The following SLX9 variants were observed in gnomAD, a reference collection of about 807,000 sequenced individuals.
The protein encoded by SLX9 is SLX9 ribosome biogenesis factor, also known as ribosome biogenesis protein SLX9 homolog.
A neutral mutation model predicts 20.8 loss-of-function variants in SLX9; 19 were observed. That is an observed-to-expected ratio of 0.91 (90% CI 0.64 to 1.34). The LOEUF (loss-of-function observed/expected upper bound fraction) is 1.34, where lower values mean the gene tolerates loss of function less well. SLX9 is among the 40% of genes most tolerant of loss of function. SLX9 has a pLI of 0.00. For synonymous variants in SLX9, 113 were observed against 137.1 expected (o/e 0.82, Z 1.23); for missense variants, 299 against 322.2 (o/e 0.93, Z 0.55).
chr21:44,954,500 T>C (rs1017331926), intron 2 of SLX9, among the ~76,000 whole-genome samples: 4 of 152,112 alleles, frequency 2.6e-5, no homozygotes, highest in African/African-American at 9.7e-5. Flanking sequence ...GGTTTGTCTG[T>C]GGTTTTGAAT....
chr21:44,958,901 C>T (rs569839950), intron 2 of SLX9, among the ~76,000 whole-genome samples: 13 of 152,370 alleles, frequency 8.5e-5, no homozygotes, highest in African/African-American at 3.1e-4. Flanking sequence ...GCCTCGTTTT[C>T]TTCATTCCAA....
At chr21:44,975,425 C>T (rs1037439447) in intron 5 of SLX9, among the ~76,000 whole-genome samples, 2 of 152,214 alleles carry the variant, frequency 1.3e-5, no homozygotes, top group Admixed American at 6.5e-5. Flanking sequence ...CCACACAGTG[C>T]CAGGGGCACC....
intron 5 of SLX9, among the ~76,000 whole-genome samples, chr21:44,976,241 C>T (rs570343613): frequency 9.2e-4 from 140 of 152,366 alleles, no homozygotes; most frequent in Admixed American, 2.4e-3. Flanking sequence ...CTGGGGCTGC[C>T]GCGCCCCACT....
intron 5 of SLX9, 114 bp from the exon 6 acceptor site, chr21:44,976,566 C>T (rs2085267089): frequency 6.8e-7 from 1 of 1,462,424 alleles, no homozygotes; most frequent in Non-Finnish European, 9.1e-7. Flanking sequence ...GTACTCAGTC[C>T]CGTGGTGGCC....
chr21:44,967,111 C>G lies in SLX9; in HGVS notation c.430C>G (p.Leu144Val), dbSNP rs772419973. ...RRRATVVVGD[L>V]HPLRDALPEL... is the part of the protein sequence containing the mutation. ...GAGGGCCACGGTGGTGGTGGGGGAC[C>G]TGCACCCTCTCAGGGATGCCCTGCC... Residue 144 changes from leucine (L) to valine (V), a missense_variant, in exon 4 of 6, where the codon CTG becomes GTG. Physicochemically the swap from Leu to Val is conservative, Grantham distance 32 (BLOSUM62 1). Transcript: ENST00000291634. 12 of 1,610,924 alleles carry G rather than the reference C, an allele frequency of 7.4e-6. No homozygotes were observed. Among genetic ancestry groups the G allele is most frequent in the South Asian group, 1.1e-5 (1 of 90,960 alleles).
At chr21:44,951,628 A>G (rs1364389492) in intron 2 of SLX9, among the ~76,000 whole-genome samples, 1 of 152,146 alleles carries the variant, frequency 6.6e-6, no homozygotes, top group Non-Finnish European at 1.5e-5. Flanking sequence ...GAATAGACAA[A>G]TACGCAACAT....
chr21:44,976,532 C>T lies in SLX9; in HGVS notation c.570-148C>T, dbSNP rs2085266219. 45 of 1,280,762 alleles carry T rather than the reference C, an allele frequency of 3.5e-5. 2 individuals carry two copies. In the South Asian group the frequency reaches 6.7e-4, roughly 19 times the overall value. 79.3% of individuals were successfully genotyped at this position (1,280,762 alleles called of 1,614,324 possible). A position where few individuals can be genotyped will look rare whatever the true frequency, so the allele number is the denominator to read the frequency against. ...AGGGCCCGGGGCAGCCTCTCCCCTCCTGCCGGAAGTTTCCGAGGCCCCAGT... is the reference window on the plus strand; with the variant it reads ...AGGGCCCGGGGCAGCCTCTCCCCTCTTGCCGGAAGTTTCCGAGGCCCCAGT... On this transcript the variant is annotated intron_variant, in intron 5 of 5. Transcript: ENST00000291634.
At chr21:44,940,738 A>G (rs1047482882) in intron 1 of SLX9, among the ~76,000 whole-genome samples, 1 of 139,854 alleles carries the variant, frequency 7.2e-6, no homozygotes, top group African/African-American at 2.7e-5. Flanking sequence ...AGGTATCTGC[A>G]TTTATTTTGC....
At chr21:44,965,725 CT>C (rs1445059199) in intron 3 of SLX9, among the ~76,000 whole-genome samples, 2 of 152,168 alleles carry the variant, frequency 1.3e-5, no homozygotes, top group Admixed American at 6.5e-5. Context: ...TTTTGAAAGG[CT>C]TCTGGCTTTG....
At chr21:44,939,930 C>G (rs527743092), upstream of SLX9, 66 of 1,025,344 alleles carry the variant, frequency 6.4e-5, no homozygotes, top group Non-Finnish European at 8.0e-5. Context: ...CCCGCCCGAG[C>G]CGCTTCCGGG....
chr21:44,943,335 T>G (rs2084582909), intron 1 of SLX9, among the ~76,000 whole-genome samples: 1 of 152,220 alleles, frequency 6.6e-6, no homozygotes. Flanking sequence ...TGCAGGTTTC[T>G]TCTGTGACAC....
rs375109693 is a variant in SLX9, at chr21:44,960,159, T to C, written c.343T>C (p.Trp115Arg). ...GAAAATGAAGCTGAGGCGTGAGCAA[T>C]GGTTGCAGAGTAAGTCCATGCCTGC... ...KEKMKLRREQ[W>R]LQKIEAIKLA... Residue 115 changes from tryptophan (W) to arginine (R), a missense_variant, in exon 3 of 6, where the codon TGG (tryptophan) becomes CGG (arginine). Transcript: ENST00000291634. The C allele has an allele frequency of 1.2e-6, 2 of 1,614,172 alleles. No individual in the cohort carries two copies. Among genetic ancestry groups the C allele is most frequent in the Admixed American group, 1.7e-5 (1 of 60,022 alleles).
chr21:44,944,692 A>G lies in SLX9; in HGVS notation c.283+855A>G, dbSNP rs1193669439. On this transcript the variant is annotated intron_variant, in intron 2 of 5. Coordinates refer to ENST00000291634, the MANE Select transcript of SLX9 (RefSeq NM_058190.4). ...CTGTGGGGGCAGAGCTCAGGGCACC[A>G]GTGTGACAGTGAAGACTGCATGTGG... 2.0e-5 allele frequency among the ~76,000 whole-genome samples: 3 copies of G among 152,348 alleles called. 1 individual carries two copies. The highest frequency in any genetic ancestry group is 4.1e-4 in the South Asian group (2 of 4,832).
At chr21:44,975,496 C>T (rs975892981) in intron 5 of SLX9, among the ~76,000 whole-genome samples, 1 of 152,250 alleles carries the variant, frequency 6.6e-6, no homozygotes, top group Non-Finnish European at 1.5e-5. Context: ...TGCAGCCCCT[C>T]CCCGTGCAGC....
At chr21:44,969,060 G>T (rs1403459622) in intron 4 of SLX9, 1 of 438,600 alleles carries the variant, frequency 2.3e-6, no homozygotes, top group East Asian at 7.3e-5. Flanking sequence ...GCCTAATTTT[G>T]CTGTTTAAAA....
intron 2 of SLX9, among the ~76,000 whole-genome samples, chr21:44,953,778 C>T (rs1456546950): frequency 6.6e-6 from 1 of 152,158 alleles, no homozygotes; most frequent in Non-Finnish European, 1.5e-5. Context: ...GTCCCTGGGT[C>T]GTGCCACCCC....
chr21:44,962,067 A>G (rs2084956265), intron 3 of SLX9, among the ~76,000 whole-genome samples: 1 of 152,222 alleles, frequency 6.6e-6, no homozygotes, highest in Non-Finnish European at 1.5e-5. Flanking sequence ...ATCTACCAAC[A>G]TGGGTTTTTA....
At chr21:44,955,393 T>G (rs1158397401) in intron 2 of SLX9, among the ~76,000 whole-genome samples, 36 of 152,242 alleles carry the variant, frequency 2.4e-4, no homozygotes, top group East Asian at 1.9e-4. Context: ...TTTCTCCAGC[T>G]TATTCCTGCA....
upstream of SLX9, chr21:44,939,847 G>T (rs904832498): frequency 7.0e-6 from 4 of 574,282 alleles, no homozygotes; most frequent in African/African-American, 7.7e-5. Flanking sequence ...CGCCACCCGC[G>T]TCCTCCGGTC....
Sources: gnomAD v4.1 joint callset for allele counts (sites outside exome capture counted in the v4.1 genomes callset) on GRCh38, gnomAD v4.1.1 for gene constraint, MANE v1.5 for transcripts, NCBI Gene and HGNC (gene_info 2026-07-23, HGNC 2026-07-21) for gene names.